ELOVL5: variants seen among roughly 807,000 people sequenced by gnomAD.
The protein encoded by ELOVL5 is ELOVL fatty acid elongase 5.
A neutral mutation model predicts 38.6 loss-of-function variants in ELOVL5; 8 were observed. The ratio of observed to expected loss-of-function variants is 0.21; its 90% CI spans 0.12 to 0.37. ELOVL5 has a LOEUF of 0.37. Ranked by LOEUF, ELOVL5 falls within the 10% of genes least tolerant of loss-of-function variation. The probability of loss-of-function intolerance (pLI) is 1.00; values close to 1 mark genes in which losing one functional copy is unlikely to be tolerated. For missense variants in ELOVL5, 280 were observed against 367.8 expected (o/e 0.76, Z 1.95); for synonymous variants, 127 against 133.7 (o/e 0.95, Z 0.34).
intron 3 of ELOVL5, among the ~76,000 whole-genome samples, chr6:53,284,598 GA>G (rs1490389170): frequency 6.6e-6 from 1 of 152,194 alleles, no homozygotes; most frequent in Non-Finnish European, 1.5e-5. Flanking sequence ...AAAGGTGACA[GA>G]AAGTACAGGC....
intron 1 of ELOVL5, among the ~76,000 whole-genome samples, chr6:53,341,489 A>T (rs1769324020): frequency 6.6e-6 from 1 of 152,182 alleles, no homozygotes; most frequent in Admixed American, 6.5e-5. Context: ...CTAGCTGTGG[A>T]TATTTGGACA....
At chr6:53,269,491 T>A (rs1347462253) in intron 7 of ELOVL5, among the ~76,000 whole-genome samples, 1 of 152,112 alleles carries the variant, frequency 6.6e-6, no homozygotes, top group African/African-American at 2.4e-5. Flanking sequence ...GTTAACTGAA[T>A]CACAGGCTGC....
At chr6:53,341,980 T>C (rs1163321058) in intron 1 of ELOVL5, among the ~76,000 whole-genome samples, 1 of 152,184 alleles carries the variant, frequency 6.6e-6, no homozygotes, top group Admixed American at 6.5e-5. Context: ...AGCTGTTAAG[T>C]GGCAGAGGTG....
At chr6:53,317,862 A>C (rs1388251083) in intron 1 of ELOVL5, among the ~76,000 whole-genome samples, 3 of 151,936 alleles carry the variant, frequency 2.0e-5, no homozygotes, top group African/African-American at 7.3e-5. Context: ...AATAAAATAA[A>C]AACCTAATCC....
chr6:53,285,422 A>G (rs1766530559), intron 3 of ELOVL5, among the ~76,000 whole-genome samples: 1 of 152,202 alleles, frequency 6.6e-6, no homozygotes, highest in African/African-American at 2.4e-5. Context: ...TGAAAATAGC[A>G]GAGGATAGCT....
At chr6:53,304,894 A>G (rs1466635534) in intron 1 of ELOVL5, among the ~76,000 whole-genome samples, 1 of 152,086 alleles carries the variant, frequency 6.6e-6, no homozygotes, top group Non-Finnish European at 1.5e-5. Context: ...TTTCTATTCC[A>G]CAAAACCACC....
At chr6:53,343,261 G>A (rs759944956) in intron 1 of ELOVL5, among the ~76,000 whole-genome samples, 6 of 148,362 alleles carry the variant, frequency 4.0e-5, no homozygotes, top group Middle Eastern at 3.4e-3. Flanking sequence ...CACCCAGGCC[G>A]GAGTGCAGTG....
At chr6:53,271,455 TAGG>T (rs1442460633) in intron 6 of ELOVL5, among the ~76,000 whole-genome samples, 6 of 151,852 alleles carry the variant, frequency 4.0e-5, no homozygotes, top group Non-Finnish European at 5.9e-5. Flanking sequence ...GAGGCTGAGA[TAGG>T]AGAATTGCTT....
chr6:53,282,552 G>A (rs913432722), intron 3 of ELOVL5, among the ~76,000 whole-genome samples: 1 of 152,226 alleles, frequency 6.6e-6, no homozygotes, highest in Admixed American at 6.5e-5. Flanking sequence ...ATACACTAGG[G>A]ACAACTAACT....
In ELOVL5 at chr6:53,280,753, C is replaced by T. The variant is rs116309161; in HGVS notation, c.247-4497G>A. Among the ~76,000 whole-genome samples the T allele has an allele frequency of 2.8e-3, 420 of 152,210 alleles. 4 individuals are homozygous for T. Among genetic ancestry groups the T allele is most frequent in the African/African-American group, 9.5e-3 (396 of 41,528 alleles). On this transcript the variant is annotated intron_variant, in intron 3 of 7. Transcript: ENST00000304434. ...GACTACAGGTGCACGCTGTCATGCC[C>T]GGCTAATTTTTATATTTTTGTTGTA...
At chr6:53,287,714 CCTGGTGTTG>C in intron 3 of ELOVL5, 1 of 664,092 alleles carries the variant, frequency 1.5e-6, no homozygotes, top group South Asian at 1.8e-5. Flanking sequence ...AATGAAAGAG[CCTGGTGTTG>C]CTGGGGTTTG....
At position 53,309,254 on chromosome 6, in the gene ELOVL5, G is replaced by C. The variant is rs1318541458; in HGVS notation, c.-8-13547C>G. Among the ~76,000 whole-genome samples the C allele has an allele frequency of 3.3e-5, 5 of 152,258 alleles. No homozygotes were observed. In the East Asian group the frequency reaches 9.6e-4, roughly 29 times the overall value. ...ACAGAAAGGAATTTAGTAACTCCCTGTTTCATCATATTGAACTGGGGCAGT... is the reference window on the plus strand; with the variant it reads ...ACAGAAAGGAATTTAGTAACTCCCTCTTTCATCATATTGAACTGGGGCAGT... On this transcript the variant is annotated intron_variant, in intron 1 of 7. Coordinates refer to ENST00000304434, the MANE Select transcript of ELOVL5 (RefSeq NM_021814.5).
intron 7 of ELOVL5, 137 bp downstream of exon 7, chr6:53,270,456 G>C: frequency 2.3e-6 from 2 of 877,338 alleles, no homozygotes; most frequent in Non-Finnish European, 3.5e-6. Context: ...GGCAGGGGCT[G>C]CTCTTGTCAT....
At chr6:53,270,485 C>CA (rs2127565135) in intron 7 of ELOVL5, 108 bp downstream of exon 7, 1 of 1,265,006 alleles carries the variant, frequency 7.9e-7, no homozygotes, top group East Asian at 2.4e-5. Flanking sequence ...CATTAGAGGC[C>CA]AGAGCCTGTC....
intron 1 of ELOVL5, among the ~76,000 whole-genome samples, chr6:53,320,683 T>C (rs143637989): frequency 2.9e-4 from 44 of 152,158 alleles, no homozygotes; most frequent in African/African-American, 1.0e-3. Context: ...GGACATAGCA[T>C]AGTAGAAAAG....
At chr6:53,304,999 C>T (rs948483416) in intron 1 of ELOVL5, among the ~76,000 whole-genome samples, 4 of 151,764 alleles carry the variant, frequency 2.6e-5, no homozygotes, top group South Asian at 2.1e-4. Flanking sequence ...CCAGTAGGGG[C>T]GGCCAGGCAG....
Position 53,268,859 on chromosome 6 carries a change from G to T in ELOVL5, c.*268C>A, listed in dbSNP as rs1159475065. 3.4e-6 allele frequency: 1 copy of T among 295,018 alleles called. No homozygotes were observed. Among genetic ancestry groups the T allele is most frequent in the Non-Finnish European group, 6.2e-6 (1 of 160,714 alleles). 18.3% of individuals were successfully genotyped at this position (295,018 alleles called of 1,614,324 possible). ...GCACCTATCATGTTATAACTAATAA[G>T]GCAACAGCAGTGTTGTATACTATAA... On this transcript the variant is annotated 3_prime_UTR_variant, in exon 8 of 8. Transcript: ENST00000304434.
chr6:53,332,869 A>C (rs1411320924), intron 1 of ELOVL5, among the ~76,000 whole-genome samples: 1 of 152,214 alleles, frequency 6.6e-6, no homozygotes, highest in Non-Finnish European at 1.5e-5. Flanking sequence ...CCTCCCCAAA[A>C]GGGTACAGCT....
intron 1 of ELOVL5, among the ~76,000 whole-genome samples, chr6:53,323,525 T>C (rs1261849134): frequency 1.4e-5 from 2 of 146,698 alleles, no homozygotes; most frequent in African/African-American, 5.0e-5. Flanking sequence ...AAGTCTCAAA[T>C]AGAAACTTCA....
Sources: allele counts gnomAD v4.1 joint callset (sites outside exome capture counted in the v4.1 genomes callset), GRCh38; gene constraint gnomAD v4.1.1; transcripts MANE v1.5; gene names NCBI Gene and HGNC (gene_info 2026-07-23, HGNC 2026-07-21).